The following MCF2L variants were observed in gnomAD, a reference collection of about 807,000 sequenced individuals.
MCF2L encodes MCF.2 cell line derived transforming sequence like.
A neutral mutation model predicts 153.4 loss-of-function variants in MCF2L; 97 were observed. The observed-to-expected ratio is 0.63, with a 90% confidence interval of 0.54 to 0.75. The LOEUF (loss-of-function observed/expected upper bound fraction) is 0.75, where lower values mean the gene tolerates loss of function less well. Ranked by LOEUF, MCF2L falls within the 30% of genes least tolerant of loss-of-function variation. The pLI is 0.00. For missense variants in MCF2L, 1,347 were observed against 1,495.2 expected (o/e 0.90, Z 1.64); for synonymous variants, 659 against 632.2 (o/e 1.04, Z -0.64).
At chr13:112,917,641 C>T (rs536923754) in intron 2 of MCF2L, 2 of 176,410 alleles carry the variant, frequency 1.1e-5, no homozygotes, top group African/African-American at 4.7e-5. Flanking sequence ...GGACCCTCTC[C>T]TGAGAGACCT....
chr13:113,015,912 G>A (rs533768134), intron 2 of MCF2L, among the ~76,000 whole-genome samples: 7 of 152,244 alleles, frequency 4.6e-5, no homozygotes, highest in African/African-American at 1.2e-4. Flanking sequence ...GAGAGGCGCC[G>A]TGGTTTCTGC....
chr13:112,949,102 G>A (rs189575682), intron 2 of MCF2L, among the ~76,000 whole-genome samples: 155 of 152,280 alleles, frequency 1.0e-3, no homozygotes, highest in African/African-American at 3.7e-3. Context: ...AGGATAATAA[G>A]GGAAAAAACT....
chr13:113,046,425 A>G lies in MCF2L; in HGVS notation c.369+1064A>G, dbSNP rs929074561. On this transcript the variant is annotated intron_variant, in intron 4 of 29. Transcript: ENST00000535094. This position sits in a 1 kb window ranked among gnomAD's most constrained non-coding sequence, Gnocchi z 4.4. ...CCCAGCACCAAACCCCAGTGAAGTC[A>G]GATTCTCCCAGTGAAGTCAGATTCT... 1.1e-5 allele frequency: 5 copies of G among 448,448 alleles called. No individual in the cohort carries two copies. The highest frequency in any genetic ancestry group is 2.2e-5 in the Non-Finnish European group (5 of 226,516). 27.8% of individuals were successfully genotyped at this position (448,448 alleles called of 1,614,324 possible).
intron 1 of MCF2L, among the ~76,000 whole-genome samples, chr13:113,003,067 C>A (rs1268658033): frequency 6.6e-6 from 1 of 151,966 alleles, no homozygotes; most frequent in African/African-American, 2.4e-5. Context: ...TCCCAGCCAC[C>A]TGGGGGGCTG....
intron 2 of MCF2L, among the ~76,000 whole-genome samples, chr13:112,912,800 CTGTG>C (rs1202104762): frequency 2.0e-5 from 3 of 148,002 alleles, no homozygotes; most frequent in African/African-American, 5.2e-5. Flanking sequence ...TGGTGTATCT[CTGTG>C]TGTGTATGTA....
At chr13:112,919,811 TAAA>T (rs561536651) in intron 2 of MCF2L, among the ~76,000 whole-genome samples, 26 of 152,234 alleles carry the variant, frequency 1.7e-4, no homozygotes, top group Non-Finnish European at 3.2e-4. Context: ...ATGCAATTTT[TAAA>T]ATTAAACTAA....
chr13:113,071,520 A>G (rs1268394519), intron 9 of MCF2L, among the ~76,000 whole-genome samples: 2 of 152,244 alleles, frequency 1.3e-5, no homozygotes, highest in Non-Finnish European at 2.9e-5. Flanking sequence ...TTTACATTGA[A>G]GTCTATGACC....
chr13:112,954,409 G>GTTGATGTGCCAGCAGC (rs1339613307), intron 2 of MCF2L, among the ~76,000 whole-genome samples: 2 of 152,188 alleles, frequency 1.3e-5, no homozygotes, highest in East Asian at 3.9e-4. Flanking sequence ...TCTGCCAGCT[G>GTTGATGTGCCAGCAGC]CATCCTGACG....
intron 4 of MCF2L, chr13:113,052,782 AACAC>A (rs1185480691): frequency 1.3e-5 from 2 of 152,014 alleles, no homozygotes; most frequent in African/African-American, 2.4e-5. Context: ...TGTGTACAAA[AACAC>A]ACAGACATAG....
At chr13:112,964,446 AGC>A (rs2081869450), upstream of MCF2L, among the ~76,000 whole-genome samples, 1 of 152,348 alleles carries the variant, frequency 6.6e-6, no homozygotes, top group Non-Finnish European at 1.5e-5. Context: ...AGAATCCCAC[AGC>A]GCCCTGTGTC....
At chr13:112,999,614 T>C (rs1219532696) in intron 1 of MCF2L, among the ~76,000 whole-genome samples, 2 of 152,150 alleles carry the variant, frequency 1.3e-5, no homozygotes, top group Non-Finnish European at 2.9e-5. Context: ...GAGGTGGGCC[T>C]TGGGCCTCGG....
At chr13:112,968,845 C>T, upstream of MCF2L, 3 of 1,157,612 alleles carry the variant, frequency 2.6e-6, no homozygotes, top group South Asian at 2.0e-5. Flanking sequence ...GGCGGGGGCA[C>T]TTGTGCGGCA....
At chr13:112,954,463 G>T (rs745377848) in intron 2 of MCF2L, among the ~76,000 whole-genome samples, 28 of 152,196 alleles carry the variant, frequency 1.8e-4, no homozygotes, top group African/African-American at 6.8e-4. Flanking sequence ...GAGGACCTGC[G>T]GTCATTTTCA....
rs75233128 is a variant in MCF2L, at chr13:113,053,971, G to C, written c.370-6622G>C. On this transcript the variant is annotated intron_variant, in intron 4 of 29. Transcript: ENST00000535094. The surrounding 1 kb of genome is among the most constrained non-coding windows in gnomAD (Gnocchi z 4.4). The stretch of plus-strand genomic sequence containing the variant: ...ATGGGAGCTCAGTTCACACGGCTCC[G>C]AATCGGCGAAACGCAACCAACGCTG... Among the ~76,000 whole-genome samples the C allele has an allele frequency of 6.6e-6, 1 of 152,156 alleles. No homozygotes were observed. The highest frequency in any genetic ancestry group is 1.5e-5 in the Non-Finnish European group (1 of 68,026).
At chr13:113,049,128 G>A (rs12871708) in intron 4 of MCF2L, among the ~76,000 whole-genome samples, 13,087 of 152,302 alleles carry the variant, frequency 0.086, 801 homozygotes, top group Admixed American at 0.18. Flanking sequence ...GATGGGCCAG[G>A]AGACATGGAG....
chr13:113,001,809 C>T (rs978016873), intron 1 of MCF2L: 15 of 1,442,532 alleles, frequency 1.0e-5, no homozygotes, highest in Middle Eastern at 4.6e-4. Context: ...GTGGCGTCCC[C>T]GCTTCGCGGC....
At position 113,078,661 on chromosome 13, in the gene MCF2L, C is replaced by T; in HGVS notation, c.1735-5C>T. 2 of 1,611,828 alleles carry T rather than the reference C, an allele frequency of 1.2e-6. No homozygotes were observed. The highest frequency in any genetic ancestry group is 1.3e-5 in the African/African-American group (1 of 75,052). On this transcript the variant is annotated splice_region_variant and splice_polypyrimidine_tract_variant and intron_variant, in intron 14 of 29. Transcript: ENST00000535094. ...TTTCAGACCTGACGCTGTTTTTCTC[C>T]CCAGAGTGAGATGAGTGAGAGCCGG...
At position 113,090,957 on chromosome 13, in the gene MCF2L, G is replaced by A. The variant is rs897224583; in HGVS notation, c.2953+1229G>A. The A allele has an allele frequency of 8.7e-5, 105 of 1,209,876 alleles. No homozygotes were observed. The African/African-American group carries it at 1.3e-3, about 15-fold the overall frequency. The allele number at this position is 1,209,876 out of a possible 1,614,324, so 74.9% of individuals were successfully genotyped here. A position where few individuals can be genotyped will look rare whatever the true frequency, so the allele number is the denominator to read the frequency against. On this transcript the variant is annotated intron_variant, in intron 26 of 29. Coordinates refer to ENST00000535094, the MANE Select transcript of MCF2L (RefSeq NM_001112732.3). Reference sequence around the variant, plus strand: ...CCCCTCCTTCACTGCGCGGCCCCTCGGCTCCCTGTGTTTTGCTCACAGAAG... The same window carrying A: ...CCCCTCCTTCACTGCGCGGCCCCTCAGCTCCCTGTGTTTTGCTCACAGAAG...
At chr13:112,905,524 C>T (rs561691191) in intron 2 of MCF2L, among the ~76,000 whole-genome samples, 5 of 152,264 alleles carry the variant, frequency 3.3e-5, no homozygotes, top group South Asian at 2.1e-4. Flanking sequence ...AGGACAAAGA[C>T]GAGGGATTTG....
Sources: allele counts gnomAD v4.1 joint callset (sites outside exome capture counted in the v4.1 genomes callset), GRCh38; gene constraint gnomAD v4.1.1; non-coding constraint Gnocchi (gnomAD v3.1); transcripts MANE v1.5; gene names NCBI Gene and HGNC (gene_info 2026-07-23, HGNC 2026-07-21).